The following MAPKAP1 variants were observed in gnomAD, a reference collection of about 807,000 sequenced individuals.
MAPKAP1 encodes the protein MAPK associated protein 1.
Under a neutral mutation model 65.7 loss-of-function variants are expected in MAPKAP1, and 20 were observed. The observed-to-expected ratio is 0.30, with a 90% CI of 0.21 to 0.44. The LOEUF is 0.44. Among genes scored for constraint, MAPKAP1 ranks in the 20% least tolerant of loss-of-function variants. The pLI is 1.00. For missense variants in MAPKAP1, 423 were observed against 648.0 expected, an observed-to-expected ratio of 0.65 and a Z score of 3.77; for synonymous variants, 222 against 244.3, an observed-to-expected ratio of 0.91 and a Z score of 0.85.
chr9:125,494,655 C>T (rs1854872060), intron 8 of MAPKAP1, among the ~76,000 whole-genome samples: 1 of 152,304 alleles, frequency 6.6e-6, no homozygotes, highest in Non-Finnish European at 1.5e-5. Flanking sequence ...TTTCAGCACA[C>T]TCTCCCTCAT....
chr9:125,488,406 C>T (rs1176147802), intron 8 of MAPKAP1, among the ~76,000 whole-genome samples: 1 of 152,166 alleles, frequency 6.6e-6, no homozygotes, highest in Non-Finnish European at 1.5e-5. Flanking sequence ...GCTCTTGTTG[C>T]CCAGGCTGGA....
chr9:125,572,400 T>C (rs1831262063), intron 5 of MAPKAP1, among the ~76,000 whole-genome samples: 1 of 152,240 alleles, frequency 6.6e-6, no homozygotes, highest in Non-Finnish European at 1.5e-5. Context: ...ATAATTATTC[T>C]TGCTGCACTT....
At chr9:125,629,754 GT>G (rs995413286) in intron 4 of MAPKAP1, among the ~76,000 whole-genome samples, 1 of 151,976 alleles carries the variant, frequency 6.6e-6, no homozygotes, top group Non-Finnish European at 1.5e-5. Flanking sequence ...AATTTTATGT[GT>G]TTTTTTGACA....
At chr9:125,458,279 G>C (rs530919466) in intron 10 of MAPKAP1, among the ~76,000 whole-genome samples, 1 of 151,060 alleles carries the variant, frequency 6.6e-6, no homozygotes, top group Non-Finnish European at 1.5e-5. Flanking sequence ...GATTTGGCAG[G>C]GTCATATGAC....
chr9:125,544,759 C>T (rs1830372182), intron 6 of MAPKAP1, among the ~76,000 whole-genome samples: 1 of 152,216 alleles, frequency 6.6e-6, no homozygotes, highest in African/African-American at 2.4e-5. Flanking sequence ...CATGGCAGAA[C>T]TTCATATTGA....
chr9:125,465,467 T>C (rs1469853781), intron 10 of MAPKAP1, among the ~76,000 whole-genome samples: 1 of 152,236 alleles, frequency 6.6e-6, no homozygotes, highest in Non-Finnish European at 1.5e-5. Context: ...ACTTGCTAGA[T>C]TGAGTCACTG....
In MAPKAP1 at chr9:125,444,566, T is replaced by G. The variant is rs376887045; in HGVS notation, c.1378A>C (p.Asn460His). The change falls in exon 11 of 12, where the codon AAT (asparagine) becomes CAT (histidine). Residue 460 changes from asparagine to histidine, a missense_variant. Asn to His is a moderately conservative substitution (Grantham distance 68). Around this residue, in one of 6 missense-constraint regions of MAPKAP1, gnomAD observed 185 missense variants for 268.1 expected, o/e 0.69. Transcript: ENST00000265960. ...AAGTAGAGGTGTTTATAGTCGTGAT[T>G]GCTTAGATACGTGAGTTTAAATATT... ...HAIFKLTYLS[N>H]HDYKHLYFES... is the part of the protein sequence containing the mutation. 2 of 1,613,922 alleles carry G rather than the reference T, an allele frequency of 1.2e-6. No individual in the cohort carries two copies. Among genetic ancestry groups the G allele is most frequent in the Non-Finnish European group, 1.7e-6 (2 of 1,179,868 alleles).
At chr9:125,469,926 T>G (rs986361478) in intron 9 of MAPKAP1, among the ~76,000 whole-genome samples, 1 of 152,016 alleles carries the variant, frequency 6.6e-6, no homozygotes, top group East Asian at 1.9e-4. Context: ...GGTTGTCGGG[T>G]GTGTGTGTGT....
At chr9:125,492,272 G>A (rs1854765148) in intron 8 of MAPKAP1, among the ~76,000 whole-genome samples, 1 of 152,106 alleles carries the variant, frequency 6.6e-6, no homozygotes, top group African/African-American at 2.4e-5. Flanking sequence ...GTATAAAGAG[G>A]TCCTAAAACC....
intron 1 of MAPKAP1, among the ~76,000 whole-genome samples, chr9:125,688,083 C>T (rs946048361): frequency 2.6e-5 from 4 of 152,160 alleles, no homozygotes; most frequent in Non-Finnish European, 4.4e-5. Context: ...TTACTATTAA[C>T]AAAACTGTGT....
At chr9:125,640,136 C>T (rs1207828936) in intron 4 of MAPKAP1, among the ~76,000 whole-genome samples, 2 of 152,102 alleles carry the variant, frequency 1.3e-5, no homozygotes, top group African/African-American at 4.8e-5. Flanking sequence ...CGGAGTCTCG[C>T]TCTGTCACCC....
intron 1 of MAPKAP1, among the ~76,000 whole-genome samples, chr9:125,681,519 C>G (rs987852614): frequency 1.3e-5 from 2 of 152,190 alleles, no homozygotes; most frequent in Non-Finnish European, 2.9e-5. Context: ...GAACCCTGAT[C>G]CCTGGTTTTC....
intron 8 of MAPKAP1, among the ~76,000 whole-genome samples, chr9:125,488,572 C>T (rs1485076426): frequency 6.6e-6 from 1 of 152,218 alleles, no homozygotes; most frequent in Non-Finnish European, 1.5e-5. Context: ...TCTCGAACTC[C>T]TGACCTCAGG....
chr9:125,537,362 G>C (rs941356398), intron 7 of MAPKAP1, among the ~76,000 whole-genome samples: 4 of 152,176 alleles, frequency 2.6e-5, no homozygotes, highest in Non-Finnish European at 5.9e-5. Context: ...ATGTTGTACA[G>C]ATTAAATGAG....
In MAPKAP1 at chr9:125,438,511, G is replaced by A. The variant is rs1852369332; in HGVS notation, c.*376C>T. The stretch of plus-strand genomic sequence containing the variant: ...GTTTATTAAAAGGAAAAACAGAAAT[G>A]TACATTTTTGTTGTTTGCTTTAAGA... On this transcript the variant is annotated 3_prime_UTR_variant, in exon 12 of 12. Coordinates refer to ENST00000265960, the MANE Select transcript of MAPKAP1 (RefSeq NM_001006617.3). 2.4e-6 allele frequency: 1 copy of A among 411,418 alleles called. No homozygotes were observed. The highest frequency in any genetic ancestry group is 3.5e-5 in the East Asian group (1 of 28,598). The allele number at this position is 411,418 out of a possible 1,614,324, so 25.5% of individuals were successfully genotyped here. A position where few individuals can be genotyped will look rare whatever the true frequency, so the allele number is the denominator to read the frequency against.
chr9:125,583,766 A>T lies in MAPKAP1; in HGVS notation c.671+1789T>A, dbSNP rs186742664. Among the ~76,000 whole-genome samples, 359 of 152,318 alleles carry T rather than the reference A, an allele frequency of 2.4e-3. 2 individuals carry two copies. The highest frequency in any genetic ancestry group is 8.4e-3 in the African/African-American group (349 of 41,572). The stretch of plus-strand genomic sequence containing the variant: ...CAGTGCCTGCCCTAAGTAATGTTTT[A>T]AGAAATTACATCAAAGGCTGGGTGC... On this transcript the variant is annotated intron_variant, in intron 5 of 11. Coordinates refer to ENST00000265960, the MANE Select transcript of MAPKAP1 (RefSeq NM_001006617.3).
intron 10 of MAPKAP1, among the ~76,000 whole-genome samples, chr9:125,445,754 C>T (rs535175371): frequency 4.6e-5 from 7 of 152,382 alleles, no homozygotes; most frequent in African/African-American, 1.7e-4. Context: ...CCCGGCCTAT[C>T]GGCACTGTTA....
chr9:125,631,266 A>G (rs1257440871), intron 4 of MAPKAP1, among the ~76,000 whole-genome samples: 1 of 152,200 alleles, frequency 6.6e-6, no homozygotes, highest in Admixed American at 6.5e-5. Context: ...AGAATTGTGA[A>G]CCATAAAAAC....
intron 4 of MAPKAP1, among the ~76,000 whole-genome samples, chr9:125,634,775 T>C (rs1833377504): frequency 6.6e-6 from 1 of 152,148 alleles, no homozygotes; most frequent in Non-Finnish European, 1.5e-5. Flanking sequence ...TATAAAACAG[T>C]AGAATAACAG....
Sources: allele counts gnomAD v4.1 joint callset (sites outside exome capture counted in the v4.1 genomes callset), GRCh38; gene constraint gnomAD v4.1.1; regional missense constraint gnomAD v4.1.1; transcripts MANE v1.5; gene names NCBI Gene and HGNC (gene_info 2026-07-23, HGNC 2026-07-21).